HTR3A: variants seen among roughly 807,000 people sequenced by gnomAD.
The protein encoded by HTR3A is 5-hydroxytryptamine receptor 3A, also known as 5-hydroxytryptamine (serotonin) receptor 3A, ionotropic.
Under a neutral mutation model 54.8 loss-of-function variants are expected in HTR3A, and 45 were observed. That is an observed-to-expected ratio of 0.82 (90% confidence interval 0.65 to 1.05). The LOEUF (loss-of-function observed/expected upper bound fraction) is 1.05, where lower values mean the gene tolerates loss of function less well. Among genes scored for constraint, HTR3A ranks in the 50% least tolerant of loss-of-function variants. The pLI is 0.00. For missense variants in HTR3A, 657 were observed against 614.0 expected, an observed-to-expected ratio of 1.07 and a Z score of -0.74; for synonymous variants, 297 against 256.0, an observed-to-expected ratio of 1.16 and a Z score of -1.53.
At chr11:113,981,117 A>G (rs1389010548) in intron 3 of HTR3A, 86 bp from the exon 4 acceptor site, 1 of 824,064 alleles carries the variant, frequency 1.2e-6, no homozygotes, top group Non-Finnish European at 2.1e-6. Context: ...TTGCCTGGGC[A>G]CTGAGGGTGA....
intron 5 of HTR3A, among the ~76,000 whole-genome samples, chr11:113,985,717 G>T (rs28444528): frequency 6.8e-6 from 1 of 147,568 alleles, no homozygotes; most frequent in Non-Finnish European, 1.5e-5. Context: ...GTGTGTGTTT[G>T]TGTGTGTGTG....
At chr11:113,986,247 G>C in intron 6 of HTR3A, 72 bp downstream of exon 6, 3 of 1,583,728 alleles carry the variant, frequency 1.9e-6, no homozygotes, top group Non-Finnish European at 2.6e-6. Flanking sequence ...GAGGCATACT[G>C]GGAGAACTTC....
In HTR3A at chr11:113,989,374, A is replaced by C; in HGVS notation, c.1139-91A>C. ...TGAGAAAAAAAAAGTTATTCCCAAC[A>C]AAAATTTACAGGCTATAGAAGCATA... On this transcript the variant is annotated intron_variant, in intron 8 of 8. Coordinates refer to ENST00000504030, the MANE Select transcript of HTR3A (RefSeq NM_000869.6). This position sits in a 1 kb window ranked among gnomAD's most constrained non-coding sequence, Gnocchi z 4.4. The C allele has an allele frequency of 6.8e-7, 1 of 1,478,546 alleles. No homozygotes were observed. Among genetic ancestry groups the C allele is most frequent in the South Asian group, 1.1e-5 (1 of 87,982 alleles). The allele number at this position is 1,478,546 out of a possible 1,614,324, so 91.6% of individuals were successfully genotyped here.
chr11:113,983,259 T>A lies in HTR3A; in HGVS notation c.514T>A (p.Ser172Thr), dbSNP rs1366265121. The change falls in exon 5 of 9, where the codon TCG becomes ACG. Residue 172 changes from serine (S) to threonine (T), a missense_variant. Physicochemically the swap from Ser to Thr is moderately conservative, Grantham distance 58. Transcript: ENST00000504030. ...YNFPFDVQNC[S>T]LTFTSWLHTI... ...CTTCCCCTTCGATGTCCAGAACTGC[T>A]CGCTGACCTTCACCAGTTGGCTGCA... 43 of 1,614,056 alleles carry A rather than the reference T, an allele frequency of 2.7e-5. No individual in the cohort carries two copies. Among genetic ancestry groups the A allele is most frequent in the Non-Finnish European group, 3.4e-5 (40 of 1,180,034 alleles).
intron 3 of HTR3A, 69 bp downstream of exon 3, chr11:113,979,346 T>A: frequency 1.6e-6 from 2 of 1,272,906 alleles, no homozygotes; most frequent in Non-Finnish European, 2.3e-6. Context: ...ATTCGGGAGT[T>A]TCAGTGGCCT....
rs548243052 is a variant in HTR3A, at chr11:113,982,024, G to C, written c.374+712G>C. On this transcript the variant is annotated intron_variant, in intron 4 of 8. Transcript: ENST00000504030. ...GCTGCCACTTCTGGCCCGCAAAGGA[G>C]ATTTGGAGCTGGGGGACATGTTCAG... Among the ~76,000 whole-genome samples the C allele has an allele frequency of 1.5e-4, 23 of 151,608 alleles. No individual in the cohort carries two copies. The South Asian group carries it at 4.0e-3, about 26-fold the overall frequency.
At position 113,989,387 on chromosome 11, in the gene HTR3A, C is replaced by T; in HGVS notation, c.1139-78C>T. 6.6e-7 allele frequency: 1 copy of T among 1,517,584 alleles called. No individual in the cohort carries two copies. Among genetic ancestry groups the T allele is most frequent in the Non-Finnish European group, 9.1e-7 (1 of 1,094,618 alleles). The allele number at this position is 1,517,584 out of a possible 1,614,324, so 94.0% of individuals were successfully genotyped here. Reference sequence around the variant, plus strand: ...GTTATTCCCAACAAAAATTTACAGGCTATAGAAGCATAAGGAACCATGTTC... The same window carrying T: ...GTTATTCCCAACAAAAATTTACAGGTTATAGAAGCATAAGGAACCATGTTC... On this transcript the variant is annotated intron_variant, in intron 8 of 8. Transcript: ENST00000504030. This position sits in a 1 kb window ranked among gnomAD's most constrained non-coding sequence, Gnocchi z 4.4.
chr11:113,989,739 C>A lies in HTR3A; in HGVS notation c.1413C>A (p.Leu471=), dbSNP rs765855482. Residue 471 remains leucine, a synonymous_variant, in exon 9 of 9, where the codon CTC becomes CTA. Transcript: ENST00000504030. This position sits in a 1 kb window ranked among gnomAD's most constrained non-coding sequence, Gnocchi z 4.4. ...CCTACAGCATCACCCTGGTTATGCT[C>A]TGGTCCATCTGGCAGTACGCTTGAG... ...VLAYSITLVM[L]WSIWQYA The A allele has an allele frequency of 8.7e-6, 14 of 1,612,054 alleles. No homozygotes were observed. In the Admixed American group the frequency reaches 2.2e-4, roughly 25 times the overall value.
intron 5 of HTR3A, among the ~76,000 whole-genome samples, chr11:113,984,820 A>C (rs1417594689): frequency 5.9e-5 from 9 of 152,112 alleles, no homozygotes; most frequent in Non-Finnish European, 1.3e-4. Context: ...CAGGAGACTG[A>C]GGCTGGAGAA....
Position 113,986,616 on chromosome 11 carries a change from C to T in HTR3A, c.804C>T (p.Pro268=), listed in dbSNP as rs752600861. The T allele has an allele frequency of 3.1e-6, 5 of 1,613,870 alleles. No individual in the cohort carries two copies. The highest frequency in any genetic ancestry group is 2.2e-5 in the South Asian group (2 of 91,086). The change falls in exon 7 of 9, where the codon CCC becomes CCT. Residue 268 remains proline (P), a synonymous_variant. Transcript: ENST00000504030. ...ACATCGTGGGCTTCTACCTGCCCCC[C>T]AACAGTGGCGAGAGGGTCTCTTTCA... is the stretch of plus-strand genomic sequence containing the variant. ...VMDIVGFYLP[P]NSGERVSFKI... is the part of the protein sequence containing the mutation.
In HTR3A at chr11:113,986,154, C is replaced by T. The variant is rs181254753; in HGVS notation, c.684C>T (p.Tyr228=). ...AGTTCAGCATGGAAAGCAGTAACTACTATGCAGAAATGAAGTTCTATGTGA... is the reference window on the plus strand; with the variant it reads ...AGTTCAGCATGGAAAGCAGTAACTATTATGCAGAAATGAAGTTCTATGTGA... ...FREFSMESSN[Y]YAEMKFYVVI... is the part of the protein sequence containing the mutation. The change falls in exon 6 of 9, where the codon TAC becomes TAT. Residue 228 remains tyrosine (Y), a synonymous_variant. Transcript: ENST00000504030. 1.1e-4 allele frequency: 171 copies of T among 1,614,124 alleles called. No homozygotes were observed. The highest frequency in any genetic ancestry group is 1.4e-4 in the Non-Finnish European group (164 of 1,180,028).
chr11:113,983,412 C>T (rs921953858), intron 5 of HTR3A, 123 bp downstream of exon 5: 4 of 958,218 alleles, frequency 4.2e-6, no homozygotes, highest in African/African-American at 1.6e-5. Context: ...TGGGCCTCTG[C>T]TTCCTCATCC....
At chr11:113,979,031 G>C (rs1176720) in intron 2 of HTR3A, among the ~76,000 whole-genome samples, 21,234 of 152,134 alleles carry the variant, frequency 0.14, 1,647 homozygotes, top group Non-Finnish European at 0.15. Flanking sequence ...TTCTTTCTGC[G>C]TATGCTCTAG....
chr11:113,981,292 G>C lies in HTR3A; in HGVS notation c.354G>C (p.Pro118=), dbSNP rs1249209531. ...TCCCCACGGACAGCATCTGGGTCCC[G>C]GACATTCTCATCAATGAGTTGTGAG... ...LSIPTDSIWV[P]DILINEFVDV... is the part of the protein sequence containing the mutation. Residue 118 remains proline (P), a synonymous_variant, in exon 4 of 9, where the codon CCG becomes CCC. Transcript: ENST00000504030. The C allele has an allele frequency of 1.9e-6, 3 of 1,611,784 alleles. No individual in the cohort carries two copies. The highest frequency in any genetic ancestry group is 1.1e-5 in the South Asian group (1 of 91,034).
In HTR3A at chr11:113,983,137, C is replaced by A. The variant is rs1950442608; in HGVS notation, c.392C>A (p.Ser131Tyr). 6.2e-7 allele frequency: 1 copy of A among 1,614,144 alleles called. No individual in the cohort carries two copies. The highest frequency in any genetic ancestry group is 1.6e-4 in the Middle Eastern group (1 of 6,084). Residue 131 changes from serine (S) to tyrosine (Y), a missense_variant, in exon 5 of 9, where the codon TCT becomes TAT. Coordinates refer to ENST00000504030, the MANE Select transcript of HTR3A (RefSeq NM_000869.6). ...LINEFVDVGK[S>Y]PNIPYVYIRH... ...CCCGCCAGCGTGGATGTGGGGAAGTCTCCAAATATCCCGTACGTGTATATT... is the reference window on the plus strand; with the variant it reads ...CCCGCCAGCGTGGATGTGGGGAAGTATCCAAATATCCCGTACGTGTATATT...
Position 113,981,280 on chromosome 11 carries a change from C to T in HTR3A, c.342C>T (p.Ser114=), listed in dbSNP as rs756043302. ...CCAAGTTGTCCATCCCCACGGACAG[C>T]ATCTGGGTCCCGGACATTCTCATCA... ...NITKLSIPTD[S]IWVPDILINE... The change falls in exon 4 of 9, where the codon AGC becomes AGT. Residue 114 remains serine, a synonymous_variant. Coordinates refer to ENST00000504030, the MANE Select transcript of HTR3A (RefSeq NM_000869.6). The T allele has an allele frequency of 6.2e-7, 1 of 1,613,324 alleles. No individual in the cohort carries two copies. The highest frequency in any genetic ancestry group is 8.5e-7 in the Non-Finnish European group (1 of 1,179,208).
In HTR3A at chr11:113,975,380, G is replaced by T. The variant is rs1270471136; in HGVS notation, c.55G>T (p.Ala19Ser). ...LLALLLPTLL[A>S]QGEARRSRNT... ...CGCCTTGCTCCTCCCCACACTCCTG[G>T]CACAGGGAGAAGGTAAGCAGACTTC... The change falls in exon 1 of 9, where the codon GCA becomes TCA. Residue 19 changes from alanine (A) to serine (S), a missense_variant. Ala to Ser is a moderately conservative substitution (Grantham distance 99). Coordinates refer to ENST00000504030, the MANE Select transcript of HTR3A (RefSeq NM_000869.6). 1 of 1,612,434 alleles carries T rather than the reference G, an allele frequency of 6.2e-7. No homozygotes were observed. The highest frequency in any genetic ancestry group is 8.5e-7 in the Non-Finnish European group (1 of 1,179,922).
chr11:113,977,537 C>T, intron 1 of HTR3A: 1 of 1,551,216 alleles, frequency 6.4e-7, no homozygotes, highest in Non-Finnish European at 8.7e-7. Context: ...AGCCAGATCT[C>T]TGCTTTCCTG....
intron 1 of HTR3A, 80 bp downstream of exon 1, chr11:113,975,472 G>A (rs898228397): frequency 2.5e-6 from 3 of 1,181,600 alleles, no homozygotes; most frequent in African/African-American, 3.0e-5. Context: ...TCCTCCGAGG[G>A]CTGTGGAGAG....
Sources: gnomAD v4.1 joint callset for allele counts (sites outside exome capture counted in the v4.1 genomes callset) on GRCh38, gnomAD v4.1.1 for gene constraint, Gnocchi (gnomAD v3.1) non-coding constraint, MANE v1.5 for transcripts, NCBI Gene and HGNC (gene_info 2026-07-23, HGNC 2026-07-21) for gene names.